The following SPATS2L variants were observed in gnomAD, a reference collection of about 807,000 sequenced individuals.
The protein encoded by SPATS2L is spermatogenesis associated serine rich 2 like.
SPATS2L carries 30 observed loss-of-function variants against 59.6 expected under a neutral mutation model. The observed-to-expected ratio is 0.50, with a 90% CI of 0.38 to 0.68. The LOEUF is 0.68. Ranked by LOEUF, SPATS2L falls within the 30% of genes least tolerant of loss-of-function variation. SPATS2L has a pLI of 0.00. For missense variants in SPATS2L, 615 were observed against 700.0 expected, an observed-to-expected ratio of 0.88 and a Z score of 1.37; for synonymous variants, 252 against 263.5, an observed-to-expected ratio of 0.96 and a Z score of 0.42.
rs56774702 is a variant in SPATS2L, at chr2:200,344,124, G to A, written c.-23+14644G>A. 8.2e-3 allele frequency among the ~76,000 whole-genome samples: 1,240 copies of A among 151,808 alleles called. 20 individuals carry two copies. The highest frequency in any genetic ancestry group is 0.028 in the African/African-American group (1,175 of 41,424). ...GTGCATGTCCAGGTTTGTTATATAG[G>A]TAAACTCATGTCATGGGGGTTTGTT... is the stretch of plus-strand genomic sequence containing the variant. On this transcript the variant is annotated intron_variant, in intron 2 of 12. Transcript: ENST00000409140.
intron 2 of SPATS2L, among the ~76,000 whole-genome samples, chr2:200,362,888 A>G (rs939223242): frequency 3.3e-5 from 5 of 152,210 alleles, no homozygotes; most frequent in Non-Finnish European, 5.9e-5. Context: ...AGATACACCT[A>G]TCCTCCTGCT....
rs976568763 is a variant in SPATS2L at position 200,328,775 on chromosome 2, C to T, written c.-72-656C>T. Among the ~76,000 whole-genome samples, 10 of 152,176 alleles carry T rather than the reference C, an allele frequency of 6.6e-5. No individual in the cohort carries two copies. The East Asian group carries it at 7.7e-4, about 12-fold the overall frequency. The stretch of plus-strand genomic sequence containing the variant: ...AGTGAGTGATTGATTGGTTGACTTA[C>T]GACCTTGGCACCCATCTTTCCACCT... On this transcript the variant is annotated intron_variant, in intron 1 of 12. Coordinates refer to ENST00000409140, the MANE Select transcript of SPATS2L (RefSeq NM_001100423.2).
intron 8 of SPATS2L, among the ~76,000 whole-genome samples, chr2:200,453,894 G>A (rs2085646663): frequency 6.6e-6 from 1 of 152,190 alleles, no homozygotes; most frequent in Non-Finnish European, 1.5e-5. Flanking sequence ...TAGAGGCCAG[G>A]AAGGCTGAAA....
At chr2:200,427,936 G>T (rs1188687229) in intron 6 of SPATS2L, among the ~76,000 whole-genome samples, 1 of 152,090 alleles carries the variant, frequency 6.6e-6, no homozygotes, top group Non-Finnish European at 1.5e-5. Context: ...GCTGAGCAGG[G>T]TAGCAAATGC....
intron 2 of SPATS2L, among the ~76,000 whole-genome samples, chr2:200,377,847 AATTG>A (rs2081652335): frequency 6.6e-6 from 1 of 152,184 alleles, no homozygotes; most frequent in South Asian, 2.1e-4. Flanking sequence ...AATGTGTACT[AATTG>A]ATTGATATGC....
At chr2:200,476,124 T>C (rs1049150446) in intron 12 of SPATS2L, among the ~76,000 whole-genome samples, 1 of 152,200 alleles carries the variant, frequency 6.6e-6, no homozygotes, top group Non-Finnish European at 1.5e-5. Flanking sequence ...CAGAAATCTT[T>C]CCCTTGTAAA....
At chr2:200,368,483 T>C (rs984402789) in intron 2 of SPATS2L, among the ~76,000 whole-genome samples, 1 of 152,120 alleles carries the variant, frequency 6.6e-6, no homozygotes, top group Non-Finnish European at 1.5e-5. Context: ...TCTAGAGAAG[T>C]AAAGTAAATG....
At chr2:200,317,473 A>G (rs72918474) in intron 1 of SPATS2L, among the ~76,000 whole-genome samples, 3,040 of 152,266 alleles carry the variant, frequency 0.02, 41 homozygotes, top group Middle Eastern at 0.1. Context: ...GTATATCTCA[A>G]TTCACCCTCC....
At chr2:200,396,199 A>G (rs2082348211) in intron 3 of SPATS2L, among the ~76,000 whole-genome samples, 1 of 151,402 alleles carries the variant, frequency 6.6e-6, no homozygotes, top group African/African-American at 2.4e-5. Context: ...AGACTAGACA[A>G]TACGATGATA....
intron 6 of SPATS2L, among the ~76,000 whole-genome samples, chr2:200,438,411 A>G (rs939009901): frequency 6.6e-6 from 1 of 152,138 alleles, no homozygotes; most frequent in African/African-American, 2.4e-5. Context: ...CAGGCCACTA[A>G]CATGCTATTT....
At chr2:200,331,625 C>A (rs1310089952) in intron 2 of SPATS2L, among the ~76,000 whole-genome samples, 1 of 152,120 alleles carries the variant, frequency 6.6e-6, no homozygotes, top group Non-Finnish European at 1.5e-5. Flanking sequence ...AGCAGTGGGA[C>A]CTTGGTCAAG....
chr2:200,377,186 T>G (rs2081629990), intron 2 of SPATS2L, among the ~76,000 whole-genome samples: 3 of 152,222 alleles, frequency 2.0e-5, no homozygotes, highest in Non-Finnish European at 4.4e-5. Context: ...CCTATTTTAC[T>G]GATGAGGAAA....
chr2:200,388,617 C>A (rs1482137074), intron 2 of SPATS2L, among the ~76,000 whole-genome samples: 1 of 148,854 alleles, frequency 6.7e-6, no homozygotes, highest in African/African-American at 2.5e-5. Flanking sequence ...GAGATGCCCC[C>A]CCCCCACCCA....
intron 3 of SPATS2L, among the ~76,000 whole-genome samples, chr2:200,410,356 G>A (rs2082835063): frequency 2.0e-5 from 3 of 151,658 alleles, no homozygotes; most frequent in Non-Finnish European, 4.4e-5. Flanking sequence ...GGATTTTTTT[G>A]TGTTTTTCTT....
At chr2:200,468,560 G>C (rs2086792925) in intron 10 of SPATS2L, among the ~76,000 whole-genome samples, 2 of 152,224 alleles carry the variant, frequency 1.3e-5, no homozygotes, top group Admixed American at 1.3e-4. Flanking sequence ...CCATGGGGAA[G>C]AGGACCTCAC....
At chr2:200,393,480 T>G (rs2082233940) in intron 3 of SPATS2L, among the ~76,000 whole-genome samples, 1 of 152,234 alleles carries the variant, frequency 6.6e-6, no homozygotes, top group African/African-American at 2.4e-5. Context: ...GTTTTCCCAC[T>G]GCATTTCCGT....
chr2:200,375,931 A>G (rs1243600875), intron 2 of SPATS2L, among the ~76,000 whole-genome samples: 1 of 152,176 alleles, frequency 6.6e-6, no homozygotes, highest in East Asian at 1.9e-4. Context: ...CCAGCCTGAC[A>G]GTGCTGGTTT....
At chr2:200,350,997 A>G (rs2080709235) in intron 2 of SPATS2L, among the ~76,000 whole-genome samples, 1 of 152,140 alleles carries the variant, frequency 6.6e-6, no homozygotes. Flanking sequence ...CAAAGATCAC[A>G]CCATATGTTC....
chr2:200,477,213 TTTTCTGTGTACAA>T lies in SPATS2L; in HGVS notation c.1282-414_1282-402del, dbSNP rs548928507. Among the ~76,000 whole-genome samples the T allele has an allele frequency of 1.8e-4, 28 of 152,226 alleles. 1 individual carries two copies. In the South Asian group the frequency reaches 5.6e-3, roughly 30 times the overall value. On this transcript the variant is annotated intron_variant, in intron 12 of 12. Transcript: ENST00000409140. Reference sequence around the variant, plus strand: ...GGGTCTTGGCCAGGGACCCTGCCCTTTTTCTGTGTACAATTTCTGTGCCTCCTGTCCCTCTCAG... The same window carrying T: ...GGGTCTTGGCCAGGGACCCTGCCCTTTTTCTGTGCCTCCTGTCCCTCTCAG...
Sources: allele counts gnomAD v4.1 joint callset (sites outside exome capture counted in the v4.1 genomes callset), GRCh38; gene constraint gnomAD v4.1.1; transcripts MANE v1.5; gene names NCBI Gene and HGNC (gene_info 2026-07-23, HGNC 2026-07-21).